Variants in LRRC4C observed in about 807,000 individuals in gnomAD.
The protein encoded by LRRC4C is leucine-rich repeat-containing protein 4C.
A neutral mutation model predicts 33.6 loss-of-function variants in LRRC4C; 5 were observed. The observed-to-expected ratio is 0.15, with a 90% CI of 0.08 to 0.31. LRRC4C has a LOEUF of 0.31. Among genes scored for constraint, LRRC4C ranks in the 10% least tolerant of loss-of-function variants. The probability of loss-of-function intolerance (pLI) is 1.00; values close to 1 mark genes in which losing one functional copy is unlikely to be tolerated. For missense variants in LRRC4C, 560 were observed against 796.7 expected, an observed-to-expected ratio of 0.70 and a Z score of 3.58; for synonymous variants, 329 against 302.0, an observed-to-expected ratio of 1.09 and a Z score of -0.93.
intron 1 of LRRC4C, among the ~76,000 whole-genome samples, chr11:41,249,152 A>G (rs1276199724): frequency 1.3e-5 from 2 of 151,378 alleles, no homozygotes; most frequent in Non-Finnish European, 2.9e-5. Context: ...CTCCTGCCTC[A>G]GCCTCCCGAG....
intron 1 of LRRC4C, among the ~76,000 whole-genome samples, chr11:41,039,795 C>A (rs2137953910): frequency 6.6e-6 from 1 of 152,138 alleles, no homozygotes; most frequent in Middle Eastern, 3.4e-3. Context: ...CTATTTGATA[C>A]CAGGCCTCCA....
chr11:40,536,481 C>G (rs945162983), intron 3 of LRRC4C, among the ~76,000 whole-genome samples: 1 of 152,122 alleles, frequency 6.6e-6, no homozygotes, highest in Non-Finnish European at 1.5e-5. Context: ...CGTGAGCCAC[C>G]GTGCCCGGCC....
At chr11:41,314,554 T>C (rs1275832752) in intron 1 of LRRC4C, among the ~76,000 whole-genome samples, 3 of 152,140 alleles carry the variant, frequency 2.0e-5, no homozygotes, top group African/African-American at 7.2e-5. Flanking sequence ...ATAAAAACTA[T>C]AATTTCACAC....
intron 5 of LRRC4C, among the ~76,000 whole-genome samples, chr11:40,176,840 C>T (rs909209336): frequency 2.6e-5 from 4 of 151,600 alleles, no homozygotes; most frequent in Admixed American, 1.3e-4. Context: ...TACACCTGGT[C>T]CTCTTCCACT....
intron 1 of LRRC4C, among the ~76,000 whole-genome samples, chr11:41,041,821 C>A (rs1273361321): frequency 6.6e-6 from 1 of 152,162 alleles, no homozygotes; most frequent in African/African-American, 2.4e-5. Flanking sequence ...CACGCTTGTA[C>A]TCATACACTC....
At chr11:41,437,517 A>T (rs1955472983) in intron 1 of LRRC4C, among the ~76,000 whole-genome samples, 3 of 152,142 alleles carry the variant, frequency 2.0e-5, no homozygotes, top group Admixed American at 2.0e-4. Context: ...GGAACAGTTC[A>T]TGTCTTCACA....
intron 1 of LRRC4C, among the ~76,000 whole-genome samples, chr11:41,380,645 A>C (rs1359114432): frequency 6.6e-6 from 1 of 152,152 alleles, no homozygotes; most frequent in Admixed American, 6.6e-5. Context: ...GGTAAACAGG[A>C]TAAGTAAAAA....
chr11:40,847,058 C>T (rs1182913581), intron 2 of LRRC4C, among the ~76,000 whole-genome samples: 13 of 152,192 alleles, frequency 8.5e-5, no homozygotes, highest in East Asian at 3.9e-4. Context: ...GGGGCTGAGA[C>T]GATAGGGTTT....
intron 2 of LRRC4C, among the ~76,000 whole-genome samples, chr11:40,859,093 TA>T (rs1953948098): frequency 6.6e-6 from 1 of 152,194 alleles, no homozygotes; most frequent in Non-Finnish European, 1.5e-5. Flanking sequence ...GCTGCAGTGA[TA>T]TAGAACGTAG....
intron 1 of LRRC4C, among the ~76,000 whole-genome samples, chr11:41,178,520 A>G (rs1377538881): frequency 6.6e-6 from 1 of 151,832 alleles, no homozygotes; most frequent in Non-Finnish European, 1.5e-5. Context: ...GGTCTGGCAA[A>G]TTTTTGTACT....
chr11:41,109,346 A>G (rs1941695741), intron 1 of LRRC4C, among the ~76,000 whole-genome samples: 2 of 152,076 alleles, frequency 1.3e-5, no homozygotes, highest in Admixed American at 1.3e-4. Flanking sequence ...ACCCTATAAA[A>G]TCACAAATCA....
chr11:40,794,079 A>C (rs187218950), intron 2 of LRRC4C, among the ~76,000 whole-genome samples: 188 of 152,252 alleles, frequency 1.2e-3, no homozygotes, highest in Non-Finnish European at 2.0e-3. Context: ...CTTTTTAAAA[A>C]TAAACTTCCT....
chr11:40,643,634 A>C (rs1156786536), intron 3 of LRRC4C, among the ~76,000 whole-genome samples: 1 of 152,204 alleles, frequency 6.6e-6, no homozygotes, highest in Non-Finnish European at 1.5e-5. Flanking sequence ...CCTGCCGTCC[A>C]CCAGCACGGT....
At position 41,152,252 on chromosome 11, in the gene LRRC4C, G is replaced by A. The variant is rs139312160; in HGVS notation, c.-495-218529C>T. ...TATTGCATTGTTATCCTCATTTACA[G>A]AGAAAGAACTGATGCTCACAGAAGT... On this transcript the variant is annotated intron_variant, in intron 1 of 6. Coordinates refer to ENST00000528697, the MANE Select transcript of LRRC4C (RefSeq NM_001258419.2). 6.2e-3 allele frequency among the ~76,000 whole-genome samples: 946 copies of A among 152,310 alleles called. 15 individuals carry two copies. Among genetic ancestry groups the A allele is most frequent in the African/African-American group, 0.022 (898 of 41,570 alleles).
At chr11:40,596,148 G>A (rs1253202551) in intron 3 of LRRC4C, among the ~76,000 whole-genome samples, 4 of 152,280 alleles carry the variant, frequency 2.6e-5, no homozygotes, top group Middle Eastern at 6.8e-3. Flanking sequence ...GGAGGAGGAT[G>A]ATAACTTGGT....
At chr11:41,231,527 A>G (rs896757242) in intron 1 of LRRC4C, among the ~76,000 whole-genome samples, 3 of 148,880 alleles carry the variant, frequency 2.0e-5, no homozygotes, top group Non-Finnish European at 4.4e-5. Context: ...CAAAAAACCA[A>G]ACACCGCATG....
chr11:41,065,308 C>T (rs890119896), intron 1 of LRRC4C, among the ~76,000 whole-genome samples: 5 of 152,124 alleles, frequency 3.3e-5, no homozygotes, highest in Non-Finnish European at 7.3e-5. Flanking sequence ...AGAATTCACC[C>T]CAGTGCAGCA....
chr11:40,931,458 T>C (rs897956963), intron 2 of LRRC4C, among the ~76,000 whole-genome samples: 9 of 152,188 alleles, frequency 5.9e-5, no homozygotes, highest in Non-Finnish European at 1.2e-4. Flanking sequence ...TCTTACTATT[T>C]AACTCAGATT....
chr11:41,093,484 A>G (rs942702721), intron 1 of LRRC4C, among the ~76,000 whole-genome samples: 5 of 152,162 alleles, frequency 3.3e-5, no homozygotes, highest in African/African-American at 1.2e-4. Flanking sequence ...GTTATTCTTC[A>G]TCTCTCCTCT....
Sources: allele counts gnomAD v4.1 joint callset (sites outside exome capture counted in the v4.1 genomes callset), GRCh38; gene constraint gnomAD v4.1.1; transcripts MANE v1.5; gene names NCBI Gene and HGNC (gene_info 2026-07-23, HGNC 2026-07-21).